The following OR51B5 variants were observed in gnomAD, a reference collection of about 807,000 sequenced individuals.
The protein encoded by OR51B5 is olfactory receptor family 51 subfamily B member 5.
For missense variants in OR51B5, 456 were observed against 374.6 expected (o/e 1.22, Z -1.79); for synonymous variants, 186 against 144.8 (o/e 1.28, Z -2.04).
chr11:5,498,598 G>A (rs433202), intron 1 of OR51B5, among the ~76,000 whole-genome samples: 150,417 of 152,322 alleles, frequency 0.99, 74,300 homozygotes, highest in East Asian at 1. Flanking sequence ...GTTTCAGTAT[G>A]TCTCCTTATA....
chr11:5,457,108 A>G (rs1484193662), intron 1 of OR51B5, among the ~76,000 whole-genome samples: 2 of 152,222 alleles, frequency 1.3e-5, no homozygotes, highest in Non-Finnish European at 2.9e-5. Flanking sequence ...CCCCAAAGGT[A>G]GTTTTTTGAA....
intron 1 of OR51B5, among the ~76,000 whole-genome samples, chr11:5,380,140 G>GA (rs71050491): frequency 0.14 from 21,754 of 152,134 alleles, 1,883 homozygotes; most frequent in Non-Finnish European, 0.19. Context: ...CAATGAAAAT[G>GA]AAAATCGGTT....
intron 1 of OR51B5, among the ~76,000 whole-genome samples, chr11:5,442,029 G>T (rs1331446609): frequency 6.6e-6 from 1 of 151,970 alleles, no homozygotes; most frequent in African/African-American, 2.4e-5. Flanking sequence ...CTTACTCTAG[G>T]CTTCTACCTT....
At chr11:5,416,765 A>G (rs1312492769) in intron 1 of OR51B5, among the ~76,000 whole-genome samples, 2 of 144,786 alleles carry the variant, frequency 1.4e-5, no homozygotes, top group South Asian at 2.4e-4. Context: ...CCACTGCTCA[A>G]TGAAATAAAA....
chr11:5,421,134 A>AG (rs561629001), intron 1 of OR51B5, among the ~76,000 whole-genome samples: 142 of 152,386 alleles, frequency 9.3e-4, no homozygotes, highest in Admixed American at 2.5e-3. Flanking sequence ...TGAGGACACC[A>AG]GGGGCAGCAA....
At chr11:5,430,885 AG>A (rs747583587) in intron 1 of OR51B5, 31 of 457,102 alleles carry the variant, frequency 6.8e-5, no homozygotes, top group Non-Finnish European at 1.1e-4. Flanking sequence ...ACATGTGTTG[AG>A]AGCCTTCCAC....
At chr11:5,357,082 A>T (rs1054903989) in intron 1 of OR51B5, among the ~76,000 whole-genome samples, 1 of 152,098 alleles carries the variant, frequency 6.6e-6, no homozygotes, top group South Asian at 2.1e-4. Context: ...TGAGCAAAAT[A>T]ACCAGCTAAC....
chr11:5,491,558 G>A (rs938611584), intron 1 of OR51B5, among the ~76,000 whole-genome samples: 32 of 152,210 alleles, frequency 2.1e-4, no homozygotes, highest in African/African-American at 7.5e-4. Flanking sequence ...AAGAGCTTGA[G>A]GAAGCTGGGG....
intron 1 of OR51B5, chr11:5,489,027 C>G: frequency 1.9e-6 from 3 of 1,614,072 alleles, no homozygotes; most frequent in Non-Finnish European, 2.5e-6. Flanking sequence ...TGTTTTGTGT[C>G]CATTCTATCT....
At chr11:5,343,533 T>G (rs779427713), upstream of OR51B5, 4 of 795,014 alleles carry the variant, frequency 5.0e-6, no homozygotes, top group Admixed American at 6.8e-5. Flanking sequence ...ATCCTGGGTT[T>G]ATATAGAAGA....
At chr11:5,358,458 C>A (rs1319211131) in intron 1 of OR51B5, among the ~76,000 whole-genome samples, 1 of 152,168 alleles carries the variant, frequency 6.6e-6, no homozygotes, top group Non-Finnish European at 1.5e-5. Flanking sequence ...AGTTGAATCT[C>A]TGAATAGACC....
intron 1 of OR51B5, among the ~76,000 whole-genome samples, chr11:5,497,829 AC>A (rs1240881928): frequency 1.3e-5 from 2 of 152,154 alleles, no homozygotes; most frequent in Non-Finnish European, 2.9e-5. Context: ...GCCATCACAC[AC>A]AGTCTTAGCA....
intron 1 of OR51B5, chr11:5,422,740 T>C (rs1240883308): frequency 6.2e-7 from 1 of 1,614,024 alleles, no homozygotes; most frequent in Admixed American, 1.7e-5. Context: ...CTCGCTCCTA[T>C]TGCCTCCACC....
chr11:5,466,613 C>T (rs1184491719), intron 1 of OR51B5, among the ~76,000 whole-genome samples: 1 of 152,198 alleles, frequency 6.6e-6, no homozygotes, highest in Non-Finnish European at 1.5e-5. Flanking sequence ...TATTTTTGCT[C>T]ATAACTGTGT....
intron 1 of OR51B5, among the ~76,000 whole-genome samples, chr11:5,368,584 C>T (rs949051797): frequency 7.2e-5 from 11 of 151,946 alleles, no homozygotes; most frequent in Admixed American, 7.2e-4. Context: ...AGCTCTCTCA[C>T]AATCGTAATA....
chr11:5,473,248 G>A (rs1851255714), intron 1 of OR51B5, among the ~76,000 whole-genome samples: 1 of 152,158 alleles, frequency 6.6e-6, no homozygotes, highest in Admixed American at 6.5e-5. Flanking sequence ...GGGTGCAAAT[G>A]CCTGTTGACT....
intron 1 of OR51B5, among the ~76,000 whole-genome samples, chr11:5,364,333 A>C (rs185272545): frequency 1.6e-3 from 240 of 152,274 alleles, no homozygotes; most frequent in African/African-American, 5.4e-3. Context: ...ATTTGGGGTG[A>C]TATGGAGGCA....
chr11:5,478,396 C>T (rs1332413447), intron 1 of OR51B5, among the ~76,000 whole-genome samples: 14 of 150,118 alleles, frequency 9.3e-5, no homozygotes, highest in African/African-American at 3.2e-4. Context: ...GTAGATAAAA[C>T]CACAAAGATG....
intron 1 of OR51B5, chr11:5,430,506 C>G (rs1850517394): frequency 5.6e-6 from 2 of 359,218 alleles, no homozygotes; most frequent in African/African-American, 2.1e-5. Context: ...AGGAATAACT[C>G]TTGCATTTCA....
Sources: gnomAD v4.1 joint callset for allele counts (sites outside exome capture counted in the v4.1 genomes callset) on GRCh38, gnomAD v4.1.1 for gene constraint, MANE v1.5 for transcripts, NCBI Gene and HGNC (gene_info 2026-07-23, HGNC 2026-07-21) for gene names.